TSPAN18: variants seen among roughly 807,000 people sequenced by gnomAD.
TSPAN18 encodes tetraspanin 18.
Under a neutral mutation model 27.3 loss-of-function variants are expected in TSPAN18, and 14 were observed. The observed-to-expected ratio is 0.51, with a 90% confidence interval of 0.34 to 0.80. TSPAN18 has a LOEUF of 0.80. Among genes scored for constraint, TSPAN18 ranks in the 30% least tolerant of loss-of-function variants. TSPAN18 has a pLI of 0.01. For missense variants in TSPAN18, 268 were observed against 323.9 expected, an observed-to-expected ratio of 0.83 and a Z score of 1.32; for synonymous variants, 143 against 136.5, an observed-to-expected ratio of 1.05 and a Z score of -0.33.
chr11:44,922,927 G>A (rs1269683778), intron 8 of TSPAN18, among the ~76,000 whole-genome samples: 2 of 152,148 alleles, frequency 1.3e-5, no homozygotes, highest in African/African-American at 2.4e-5. Flanking sequence ...CAGCCAACAC[G>A]GAGAAACCCC....
chr11:44,776,135 A>C (rs750332797), intron 2 of TSPAN18, among the ~76,000 whole-genome samples: 10 of 152,222 alleles, frequency 6.6e-5, no homozygotes, highest in Non-Finnish European at 1.3e-4. Flanking sequence ...TACAGCCTGC[A>C]GTGCAGGCTG....
At chr11:44,738,119 A>T (rs961627330) in intron 1 of TSPAN18, among the ~76,000 whole-genome samples, 1 of 152,016 alleles carries the variant, frequency 6.6e-6, no homozygotes, top group African/African-American at 2.4e-5. Context: ...TATCCAAGGC[A>T]CCTGGTAGGG....
chr11:44,775,584 CT>C (rs1855787294), intron 2 of TSPAN18, among the ~76,000 whole-genome samples: 1 of 152,098 alleles, frequency 6.6e-6, no homozygotes, highest in Non-Finnish European at 1.5e-5. Flanking sequence ...GTTTGGTTTG[CT>C]CCCTCTAGTG....
intron 3 of TSPAN18, among the ~76,000 whole-genome samples, chr11:44,861,991 G>A (rs892580471): frequency 6.6e-6 from 1 of 152,026 alleles, no homozygotes; most frequent in African/African-American, 2.4e-5. Flanking sequence ...ACCTCCACTC[G>A]CCGGGAAGGC....
chr11:44,920,958 G>T (rs919315254), intron 8 of TSPAN18, among the ~76,000 whole-genome samples: 7 of 152,358 alleles, frequency 4.6e-5, no homozygotes, highest in Admixed American at 6.5e-5. Flanking sequence ...GGCCTTGGGT[G>T]GGGGCTCAAG....
In TSPAN18 at chr11:44,909,804, G is replaced by A. The variant is rs137963134; in HGVS notation, c.163G>A (p.Ala55Thr). ...TGCCAATCCTCTGCTCCTCACGGGCGCCTACATCCTCCTGGCCATGGGGGG... is the reference window on the plus strand; with the variant it reads ...TGCCAATCCTCTGCTCCTCACGGGCACCTACATCCTCCTGGCCATGGGGGG... ...VAANPLLLTG[A>T]YILLAMGGLL... The change falls in exon 5 of 10, where the codon GCC becomes ACC. Residue 55 changes from alanine to threonine, a missense_variant. Transcript: ENST00000520358. 15 of 1,613,786 alleles carry A rather than the reference G, an allele frequency of 9.3e-6. No individual in the cohort carries two copies. The highest frequency in any genetic ancestry group is 1.1e-5 in the Non-Finnish European group (13 of 1,179,998).
At chr11:44,794,078 G>T (rs952130113) in intron 2 of TSPAN18, among the ~76,000 whole-genome samples, 3 of 152,190 alleles carry the variant, frequency 2.0e-5, no homozygotes, top group African/African-American at 7.2e-5. Context: ...CCAGGAATCA[G>T]CCATTAGAGG....
intron 1 of TSPAN18, among the ~76,000 whole-genome samples, chr11:44,749,632 C>CTTTTTTTTTTTTTTTTTTTTT (rs71894571): frequency 1.8e-5 from 2 of 110,448 alleles, no homozygotes; most frequent in African/African-American, 3.8e-5. Context: ...GTGGAACTTT[C>CTTTTTTTTTTTTTTTTTTTTT]TTTTTTTTTT....
intron 1 of TSPAN18, among the ~76,000 whole-genome samples, chr11:44,758,291 C>T (rs1855377518): frequency 6.6e-6 from 1 of 152,140 alleles, no homozygotes; most frequent in Admixed American, 6.5e-5. Context: ...ATGCTTTATG[C>T]ACCATTTGAT....
At chr11:44,897,695 G>A in intron 3 of TSPAN18, 1 of 1,163,136 alleles carries the variant, frequency 8.6e-7, no homozygotes, top group Admixed American at 2.3e-5. Context: ...CTCCTTTCAT[G>A]GGGCTGCTCT....
intron 3 of TSPAN18, among the ~76,000 whole-genome samples, chr11:44,876,978 C>T (rs1450859983): frequency 6.6e-6 from 1 of 152,202 alleles, no homozygotes; most frequent in Non-Finnish European, 1.5e-5. Context: ...GGTGCCTCCT[C>T]CCCCAGGCCC....
chr11:44,845,587 G>A (rs1857463325), intron 2 of TSPAN18, among the ~76,000 whole-genome samples: 1 of 152,262 alleles, frequency 6.6e-6, no homozygotes, highest in Admixed American at 6.5e-5. Context: ...GAGGCAACAT[G>A]TGAACTGGGT....
At chr11:44,738,811 C>G (rs527708810) in intron 1 of TSPAN18, among the ~76,000 whole-genome samples, 1 of 152,172 alleles carries the variant, frequency 6.6e-6, no homozygotes, top group African/African-American at 2.4e-5. Context: ...ACAATTTAGC[C>G]GGTAACATCT....
intron 1 of TSPAN18, among the ~76,000 whole-genome samples, chr11:44,731,667 T>C (rs1854664652): frequency 6.7e-6 from 1 of 149,662 alleles, no homozygotes; most frequent in Non-Finnish European, 1.5e-5. Flanking sequence ...AATCTGTCTT[T>C]GGGGTAGAAG....
chr11:44,767,008 G>A (rs1365862326), intron 2 of TSPAN18, among the ~76,000 whole-genome samples: 1 of 152,208 alleles, frequency 6.6e-6, no homozygotes, highest in Non-Finnish European at 1.5e-5. Flanking sequence ...CCTTGGAATA[G>A]TGTAGCCTCC....
At chr11:44,790,575 CAT>C (rs1416379024) in intron 2 of TSPAN18, among the ~76,000 whole-genome samples, 1 of 103,520 alleles carries the variant, frequency 9.7e-6, no homozygotes, top group Admixed American at 9.2e-5. Context: ...TGTGTGTGTG[CAT>C]GTGTGTGCAT....
chr11:44,782,755 T>G (rs1270470879), intron 2 of TSPAN18, among the ~76,000 whole-genome samples: 2 of 152,214 alleles, frequency 1.3e-5, no homozygotes, highest in East Asian at 3.8e-4. Context: ...ACTTCCCTAT[T>G]TAACTACTGA....
At chr11:44,804,385 C>G (rs1212900179) in intron 2 of TSPAN18, among the ~76,000 whole-genome samples, 5 of 152,242 alleles carry the variant, frequency 3.3e-5, no homozygotes, top group Non-Finnish European at 4.4e-5. Flanking sequence ...GCCACCGCGC[C>G]CAGCCAGTAA....
chr11:44,784,384 G>C (rs1856008009), intron 2 of TSPAN18, among the ~76,000 whole-genome samples: 2 of 152,142 alleles, frequency 1.3e-5, no homozygotes, highest in Non-Finnish European at 2.9e-5. Flanking sequence ...TTCAGCTCAT[G>C]GTCTTGCTTT....
Sources: allele counts gnomAD v4.1 joint callset (sites outside exome capture counted in the v4.1 genomes callset), GRCh38; gene constraint gnomAD v4.1.1; transcripts MANE v1.5; gene names NCBI Gene and HGNC (gene_info 2026-07-23, HGNC 2026-07-21).